The following HEATR6 variants were observed in gnomAD, a reference collection of about 807,000 sequenced individuals.
HEATR6 encodes the protein HEAT repeat containing 6, also known as HEAT repeat-containing protein 6.
Under a neutral mutation model 132.8 loss-of-function variants are expected in HEATR6, and 106 were observed. The ratio of observed to expected loss-of-function variants is 0.80; its 90% CI spans 0.68 to 0.94. The LOEUF (loss-of-function observed/expected upper bound fraction) is 0.94. HEATR6 is among the 40% of genes least tolerant of loss of function. The probability of loss-of-function intolerance (pLI) is 0.00; values close to 1 mark genes in which losing one functional copy is unlikely to be tolerated. For synonymous variants in HEATR6, 529 were observed against 537.8 expected (o/e 0.98, Z 0.23); for missense variants, 1,339 against 1,425.1 (o/e 0.94, Z 0.97).
chr17:60,072,752 C>T (rs2083276616), intron 4 of HEATR6, among the ~76,000 whole-genome samples: 1 of 152,234 alleles, frequency 6.6e-6, no homozygotes, highest in African/African-American at 2.4e-5. Context: ...CTACTGCCTA[C>T]TGTGAGAATC....
chr17:60,067,444 T>C lies in HEATR6; in HGVS notation c.1228A>G (p.Ser410Gly), dbSNP rs1248165998. 1.3e-6 allele frequency: 2 copies of C among 1,538,632 alleles called. No individual in the cohort carries two copies. The highest frequency in any genetic ancestry group is 1.7e-6 in the Non-Finnish European group (2 of 1,147,086). The change falls in exon 8 of 20, where the codon AGT (serine) becomes GGT (glycine). Residue 410 changes from serine (S) to glycine (G), a missense_variant. Coordinates refer to ENST00000184956, the MANE Select transcript of HEATR6 (RefSeq NM_022070.5). ...ACAAAATACTACTACCTCATTTTAC[T>C]CTGCATGCCTCCTTCAGCATCAGAA... ...DFSDAEGGMQ[S>G]KMRSYQAKVR...
rs774767167 is a variant in HEATR6 at position 60,070,718 on chromosome 17, T to C, written c.789A>G (p.Leu263=). The C allele has an allele frequency of 3.6e-5, 57 of 1,594,974 alleles. No homozygotes were observed. Among genetic ancestry groups the C allele is most frequent in the East Asian group, 1.3e-4 (6 of 44,738 alleles). The change falls in exon 6 of 20, where the codon TTA becomes TTG. Residue 263 remains leucine (L), a synonymous_variant. Coordinates refer to ENST00000184956, the MANE Select transcript of HEATR6 (RefSeq NM_022070.5). The part of the protein sequence containing the change: ...LTQTDELGAL[L]AVLKKFMFHG... ...AGACTTGCCTTACCTTTAGCACAGC[T>C]AAAAGTGCTCCAAGTTCATCAGTCT...
At chr17:60,068,088 G>A (rs1033123914) in intron 7 of HEATR6, among the ~76,000 whole-genome samples, 6 of 152,170 alleles carry the variant, frequency 3.9e-5, no homozygotes, top group African/African-American at 1.2e-4. Flanking sequence ...TTGCACATGT[G>A]TTGTGAAAGT....
At chr17:60,045,240 C>T (rs1351489028) in intron 19 of HEATR6, among the ~76,000 whole-genome samples, 1 of 152,232 alleles carries the variant, frequency 6.6e-6, no homozygotes, top group African/African-American at 2.4e-5. Flanking sequence ...ACCTTACATA[C>T]TCCCAGCTGA....
At chr17:60,072,153 CTT>C in intron 5 of HEATR6, 60 bp downstream of exon 5, 1 of 751,582 alleles carries the variant, frequency 1.3e-6, no homozygotes, top group Non-Finnish European at 2.1e-6. Flanking sequence ...GTTAGTAACA[CTT>C]TTCCAATCTG....
intron 9 of HEATR6, chr17:60,063,482 G>A (rs1451082181): frequency 6.6e-6 from 1 of 152,158 alleles, no homozygotes; most frequent in Non-Finnish European, 1.5e-5. Flanking sequence ...TGTATAAGAT[G>A]TGCTCTATGA....
intron 13 of HEATR6, 104 bp downstream of exon 13, chr17:60,056,011 G>C: frequency 7.0e-6 from 9 of 1,277,392 alleles, no homozygotes; most frequent in Non-Finnish European, 9.7e-6. Flanking sequence ...AAGGACATGT[G>C]GCAGAAGAAT....
chr17:60,074,990 C>T (rs1000377197), intron 2 of HEATR6, among the ~76,000 whole-genome samples: 1 of 152,178 alleles, frequency 6.6e-6, no homozygotes, highest in Admixed American at 6.5e-5. Flanking sequence ...AAGGTTGAAA[C>T]TACTAGCTGG....
Position 60,057,114 on chromosome 17 carries a change from A to T in HEATR6, c.2013T>A (p.Gly671=), listed in dbSNP as rs200142237. The T allele has an allele frequency of 3.7e-6, 6 of 1,614,102 alleles. No individual in the cohort carries two copies. In the African/African-American group the frequency reaches 8.0e-5, roughly 22 times the overall value. ...VVLPKEDSCS[G]SDAGSAAGST... The stretch of plus-strand genomic sequence containing the variant: ...TTCCTGCTGCAGAGCCAGCATCGCT[A>T]CCTGAACAGGAATCCTCCTTGGGCA... Residue 671 remains glycine (G), a synonymous_variant, in exon 12 of 20, where the codon GGT becomes GGA. Coordinates refer to ENST00000184956, the MANE Select transcript of HEATR6 (RefSeq NM_022070.5).
chr17:60,060,458 A>G (rs1253335601), intron 9 of HEATR6, among the ~76,000 whole-genome samples: 1 of 152,056 alleles, frequency 6.6e-6, no homozygotes, highest in Non-Finnish European at 1.5e-5. Flanking sequence ...AAAATCTAGA[A>G]ACCCATTGCT....
intron 6 of HEATR6, among the ~76,000 whole-genome samples, chr17:60,070,322 C>T (rs901093090): frequency 3.9e-5 from 6 of 152,068 alleles, no homozygotes; most frequent in African/African-American, 1.2e-4. Flanking sequence ...CTGACTGGCA[C>T]GCTCGGAAGC....
chr17:60,062,132 T>C (rs890915130), intron 9 of HEATR6, among the ~76,000 whole-genome samples: 1 of 152,248 alleles, frequency 6.6e-6, no homozygotes, highest in Non-Finnish European at 1.5e-5. Flanking sequence ...TTAAACTCTG[T>C]TTAACATATC....
At chr17:60,044,420 C>A (rs1339667090) in intron 19 of HEATR6, among the ~76,000 whole-genome samples, 1 of 152,146 alleles carries the variant, frequency 6.6e-6, no homozygotes, top group Non-Finnish European at 1.5e-5. Context: ...CAGAAAAAGG[C>A]TTCTTCTCTG....
At chr17:60,063,398 G>A (rs1276107724) in intron 9 of HEATR6, 1 of 152,058 alleles carries the variant, frequency 6.6e-6, no homozygotes, top group Admixed American at 6.6e-5. Context: ...TAACACCTAA[G>A]GAAATCATAT....
At chr17:60,045,154 G>A (rs185716503) in intron 19 of HEATR6, among the ~76,000 whole-genome samples, 95 of 152,248 alleles carry the variant, frequency 6.2e-4, no homozygotes, top group African/African-American at 2.2e-3. Flanking sequence ...TCCAGAAGGC[G>A]GATAACCACC....
intron 13 of HEATR6, 35 bp downstream of exon 13, chr17:60,056,080 G>T: frequency 6.2e-7 from 1 of 1,607,852 alleles, no homozygotes; most frequent in South Asian, 1.1e-5. Context: ...AAAGTGAAGA[G>T]AAGGAAAAAG....
chr17:60,052,393 C>G (rs1034264557), intron 14 of HEATR6, among the ~76,000 whole-genome samples: 4 of 152,120 alleles, frequency 2.6e-5, no homozygotes, highest in African/African-American at 9.7e-5. Context: ...ATTTGTTACT[C>G]ATTAATAGAC....
At chr17:60,047,684 T>C (rs1906417365) in intron 17 of HEATR6, among the ~76,000 whole-genome samples, 2 of 151,932 alleles carry the variant, frequency 1.3e-5, no homozygotes, top group African/African-American at 4.9e-5. Context: ...AAACAAATGT[T>C]CAGTAATAGA....
chr17:60,078,678 G>A lies in HEATR6; in HGVS notation c.219+18C>T. 9 of 1,530,828 alleles carry A rather than the reference G, an allele frequency of 5.9e-6. No homozygotes were observed. Among genetic ancestry groups the A allele is most frequent in the African/African-American group, 1.4e-5 (1 of 72,886 alleles). The allele number at this position is 1,530,828 out of a possible 1,614,324, so 94.8% of individuals were successfully genotyped here. A position where few individuals can be genotyped will look rare whatever the true frequency, so the allele number is the denominator to read the frequency against. On this transcript the variant is annotated intron_variant, in intron 1 of 19. Coordinates refer to ENST00000184956, the MANE Select transcript of HEATR6 (RefSeq NM_022070.5). Reference sequence around the variant, plus strand: ...AGGGGTGGGGCCGGGGCCGGGGCCAGCAGGGCGCGCCGCCTACCTCCGGGG... The same window carrying A: ...AGGGGTGGGGCCGGGGCCGGGGCCAACAGGGCGCGCCGCCTACCTCCGGGG...
Sources: allele counts gnomAD v4.1 joint callset (sites outside exome capture counted in the v4.1 genomes callset), GRCh38; gene constraint gnomAD v4.1.1; transcripts MANE v1.5; gene names NCBI Gene and HGNC (gene_info 2026-07-23, HGNC 2026-07-21).